Variants in TRIM50 observed in about 807,000 individuals in gnomAD.
The protein encoded by TRIM50 is E3 ubiquitin-protein ligase TRIM50.
In TRIM50, 34 loss-of-function variants were observed where a neutral mutation model predicts 44.9. That is an observed-to-expected ratio of 0.76 (90% CI 0.58 to 1.01). The LOEUF (loss-of-function observed/expected upper bound fraction) is 1.01, where lower values mean the gene tolerates loss of function less well. TRIM50 is among the 50% of genes least tolerant of loss of function. TRIM50 has a pLI of 0.00. For missense variants in TRIM50, 633 were observed against 663.7 expected (o/e 0.95, Z 0.51); for synonymous variants, 307 against 291.1 (o/e 1.05, Z -0.56).
At chr7:73,324,031 C>A (rs138899702) in intron 2 of TRIM50, among the ~76,000 whole-genome samples, 1 of 149,614 alleles carries the variant, frequency 6.7e-6, no homozygotes. Context: ...CAGAGTGAGA[C>A]GCTGTCTCCA....
Position 73,312,796 on chromosome 7 carries a change from A to G in TRIM50, c.*125T>C. On this transcript the variant is annotated 3_prime_UTR_variant, in exon 7 of 7. Coordinates refer to ENST00000333149, the MANE Select transcript of TRIM50 (RefSeq NM_178125.3). ...TTCCCTATCATTACATGTTCCAGGG[A>G]CACACAGGCCTGAAGACCTTCCTAA... The G allele has an allele frequency of 2.8e-6, 2 of 707,526 alleles. No individual in the cohort carries two copies. Among genetic ancestry groups the G allele is most frequent in the Non-Finnish European group, 2.3e-6 (1 of 437,914 alleles). The allele number at this position is 707,526 out of a possible 1,614,324, so 43.8% of individuals were successfully genotyped here. A position where few individuals can be genotyped will look rare whatever the true frequency, so the allele number is the denominator to read the frequency against.
intron 2 of TRIM50, chr7:73,322,083 CT>C (rs782488039): frequency 1.3e-5 from 2 of 152,302 alleles, no homozygotes; most frequent in Non-Finnish European, 2.9e-5. Context: ...GGTACAGTGG[CT>C]CACACCTGGA....
At position 73,313,212 on chromosome 7, in the gene TRIM50, C is replaced by T. The variant is rs1200523716; in HGVS notation, c.1173G>A (p.Glu391=). The T allele has an allele frequency of 4.4e-6, 7 of 1,592,076 alleles. No individual in the cohort carries two copies. Among genetic ancestry groups the T allele is most frequent in the Non-Finnish European group, 3.4e-6 (4 of 1,169,832 alleles). ...EHGVWLIGLK[E]GRVYEAFACP... Reference sequence around the variant, plus strand: ...AGGCAAAGGCTTCGTACACCCGGCCCTCCTTCAGGCCGATCAGCCACACGC... The same window carrying T: ...AGGCAAAGGCTTCGTACACCCGGCCTTCCTTCAGGCCGATCAGCCACACGC... Residue 391 remains glutamate, a synonymous_variant, in exon 7 of 7, where the codon GAG becomes GAA. Coordinates refer to ENST00000333149, the MANE Select transcript of TRIM50 (RefSeq NM_178125.3). This position sits in a 1 kb window ranked among gnomAD's most constrained non-coding sequence, Gnocchi z 4.9.
Position 73,327,895 on chromosome 7 carries a change from C to A in TRIM50, c.-19+5G>T, listed in dbSNP as rs1402535150. On this transcript the variant is annotated splice_donor_5th_base_variant and intron_variant, in intron 1 of 6. Coordinates refer to ENST00000333149, the MANE Select transcript of TRIM50 (RefSeq NM_178125.3). ...CATCATTTCCCGCTCGCTCTCGTTACGTACCCAGCCTCCGGCCCCTGTAAG... is the reference window on the plus strand; with the variant it reads ...CATCATTTCCCGCTCGCTCTCGTTAAGTACCCAGCCTCCGGCCCCTGTAAG... 1 of 426,226 alleles carries A rather than the reference C, an allele frequency of 2.3e-6. No homozygotes were observed. The highest frequency in any genetic ancestry group is 4.4e-6 in the Non-Finnish European group (1 of 229,802). 26.4% of individuals were successfully genotyped at this position (426,226 alleles called of 1,614,324 possible).
chr7:73,321,205 A>C (rs1554544982), intron 2 of TRIM50, among the ~76,000 whole-genome samples: 1 of 152,028 alleles, frequency 6.6e-6, no homozygotes, highest in Non-Finnish European at 1.5e-5. Flanking sequence ...GACAGCAGGA[A>C]CTTCCCAGGC....
intron 2 of TRIM50, among the ~76,000 whole-genome samples, chr7:73,323,198 C>A (rs13240587): frequency 1.3e-5 from 2 of 152,302 alleles, no homozygotes; most frequent in African/African-American, 2.4e-5. Flanking sequence ...GGCTTAAAAC[C>A]CTCCAGCCTC....
intron 1 of TRIM50, among the ~76,000 whole-genome samples, chr7:73,327,041 T>C (rs1184529722): frequency 3.4e-4 from 52 of 152,210 alleles, no homozygotes; most frequent in African/African-American, 1.2e-3. Context: ...TCCACCGGCT[T>C]TGGCCTCCCA....
chr7:73,316,067 G>A (rs556012293), intron 6 of TRIM50, among the ~76,000 whole-genome samples: 1 of 152,076 alleles, frequency 6.6e-6, no homozygotes, highest in African/African-American at 2.4e-5. Context: ...TATTAGTAGA[G>A]ACGGGGTTTC....
intron 3 of TRIM50, among the ~76,000 whole-genome samples, chr7:73,319,368 A>G (rs1804439768): frequency 6.6e-6 from 1 of 151,840 alleles, no homozygotes; most frequent in African/African-American, 2.4e-5. Context: ...ATCATAGCTC[A>G]CTGTAGCCTT....
At chr7:73,316,438 C>T in intron 6 of TRIM50, 127 bp downstream of exon 6, 1 of 1,271,442 alleles carries the variant, frequency 7.9e-7, no homozygotes, top group Non-Finnish European at 1.0e-6. Context: ...GTCCCATGCT[C>T]TCACTAGGAC....
At chr7:73,321,360 C>T (rs540011250) in intron 2 of TRIM50, among the ~76,000 whole-genome samples, 2 of 152,170 alleles carry the variant, frequency 1.3e-5, no homozygotes, top group African/African-American at 4.8e-5. Flanking sequence ...CTGTGGTCAC[C>T]AGCAGATCCA....
intron 1 of TRIM50, among the ~76,000 whole-genome samples, chr7:73,326,673 C>G (rs1324263821): frequency 6.6e-6 from 1 of 151,934 alleles, no homozygotes; most frequent in East Asian, 1.9e-4. Flanking sequence ...TAAACAGCAT[C>G]ATATAGAATG....
intron 2 of TRIM50, chr7:73,321,956 CAAT>C (rs1460798031): frequency 2.6e-5 from 4 of 152,142 alleles, no homozygotes; most frequent in African/African-American, 9.7e-5. Flanking sequence ...CTCAAAATCT[CAAT>C]AAACAGGAGG....
At position 73,324,698 on chromosome 7, in the gene TRIM50, C is replaced by A; in HGVS notation, c.90G>T (p.Gln30His). The A allele has an allele frequency of 6.2e-7, 1 of 1,614,228 alleles. No homozygotes were observed. Among genetic ancestry groups the A allele is most frequent in the East Asian group, 2.2e-5 (1 of 44,882 alleles). Reference protein sequence around the residue: ...LEVFKEPLMLQCGHSYCKGCL... With the variant: ...LEVFKEPLMLHCGHSYCKGCL... ...AGCCCTTGCAGTAAGAGTGGCCACA[C>A]TGCAGCATCAGGGGCTCCTTGAAGA... The change falls in exon 2 of 7, where the codon CAG becomes CAT. Residue 30 changes from glutamine to histidine, a missense_variant. Coordinates refer to ENST00000333149, the MANE Select transcript of TRIM50 (RefSeq NM_178125.3).
chr7:73,313,180 C>G lies in TRIM50; in HGVS notation c.1205G>C (p.Arg402Pro). Residue 402 changes from arginine to proline, a missense_variant, in exon 7 of 7, where the codon CGG (arginine) becomes CCG (proline). By Grantham distance (103) the Arg-to-Pro change is moderately radical. Coordinates refer to ENST00000333149, the MANE Select transcript of TRIM50 (RefSeq NM_178125.3). This position sits in a 1 kb window ranked among gnomAD's most constrained non-coding sequence, Gnocchi z 4.9. ...GRVYEAFACP[R>P]VPLPVAGHPH... ...GTGGCCGGCCACGGGCAGGGGTACC[C>G]GGGGGCAGGCAAAGGCTTCGTACAC... The G allele has an allele frequency of 6.3e-7, 1 of 1,588,400 alleles. No individual in the cohort carries two copies. Among genetic ancestry groups the G allele is most frequent in the Non-Finnish European group, 8.6e-7 (1 of 1,167,726 alleles).
At chr7:73,315,334 TTCTTA>T (rs1471158746) in intron 6 of TRIM50, 1 of 151,894 alleles carries the variant, frequency 6.6e-6, no homozygotes, top group Non-Finnish European at 1.5e-5. Flanking sequence ...ATTTTTTTCC[TTCTTA>T]TCTTTCCTTT....
chr7:73,321,615 A>T (rs577697943), intron 2 of TRIM50, among the ~76,000 whole-genome samples: 2 of 152,270 alleles, frequency 1.3e-5, no homozygotes, highest in South Asian at 4.1e-4. Flanking sequence ...GGGGGTGCCA[A>T]CCGGGACCCC....
chr7:73,324,081 AGGAAGAG>A (rs370133259), intron 2 of TRIM50, among the ~76,000 whole-genome samples: 45 of 151,856 alleles, frequency 3.0e-4, no homozygotes, highest in African/African-American at 6.3e-4. Context: ...GGAGAGGGAG[AGGAAGAG>A]GGAAGAGGGA....
At chr7:73,320,080 G>A in intron 3 of TRIM50, 67 bp downstream of exon 3, 1 of 1,612,488 alleles carries the variant, frequency 6.2e-7, no homozygotes, top group South Asian at 1.1e-5. Context: ...GGACCAATGA[G>A]AACTGAGTTC....
Sources: gnomAD v4.1 joint callset for allele counts (sites outside exome capture counted in the v4.1 genomes callset) on GRCh38, gnomAD v4.1.1 for gene constraint, Gnocchi (gnomAD v3.1) non-coding constraint, MANE v1.5 for transcripts, NCBI Gene and HGNC (gene_info 2026-07-23, HGNC 2026-07-21) for gene names.